The following SCD5 variants were observed in gnomAD, a reference collection of about 807,000 sequenced individuals.
SCD5 encodes the protein stearoyl-CoA desaturase 5.
SCD5 carries 20 observed loss-of-function variants against 30.4 expected under a neutral mutation model. That is an observed-to-expected ratio of 0.66 (90% CI 0.46 to 0.96). The LOEUF (loss-of-function observed/expected upper bound fraction) is 0.96, where lower values mean the gene tolerates loss of function less well. SCD5 is among the 40% of genes least tolerant of loss of function. The pLI is 0.00. For missense variants in SCD5, 381 were observed against 443.3 expected, an observed-to-expected ratio of 0.86 and a Z score of 1.26; for synonymous variants, 173 against 176.4, an observed-to-expected ratio of 0.98 and a Z score of 0.16.
At chr4:82,776,346 G>GA (rs1249329309) in intron 1 of SCD5, among the ~76,000 whole-genome samples, 1 of 152,068 alleles carries the variant, frequency 6.6e-6, no homozygotes, top group African/African-American at 2.4e-5. Context: ...GTTTGCATGT[G>GA]AAAAAAAGAT....
intron 4 of SCD5, among the ~76,000 whole-genome samples, chr4:82,631,979 A>C (rs1577996866): frequency 6.6e-6 from 1 of 152,084 alleles, no homozygotes; most frequent in Non-Finnish European, 1.5e-5. Flanking sequence ...ATATTATTCT[A>C]CCCCTTCCAG....
intron 3 of SCD5, among the ~76,000 whole-genome samples, chr4:82,656,617 G>T (rs1727873258): frequency 1.3e-5 from 2 of 152,178 alleles, no homozygotes; most frequent in African/African-American, 4.8e-5. Context: ...CATATACCCT[G>T]TAATGGGATT....
intron 4 of SCD5, 38 bp downstream of exon 4, chr4:82,636,553 C>T: frequency 6.5e-7 from 1 of 1,536,672 alleles, no homozygotes; most frequent in Non-Finnish European, 8.9e-7. Flanking sequence ...AAACCTGGGC[C>T]ACCATTCTCC....
chr4:82,719,187 C>T (rs1288024353), intron 1 of SCD5, among the ~76,000 whole-genome samples: 1 of 151,740 alleles, frequency 6.6e-6, no homozygotes, highest in African/African-American at 2.4e-5. Context: ...AATGTCAGGC[C>T]ACCTCTCTTT....
At chr4:82,786,400 G>C (rs560914071) in intron 1 of SCD5, among the ~76,000 whole-genome samples, 12 of 152,292 alleles carry the variant, frequency 7.9e-5, no homozygotes, top group African/African-American at 2.9e-4. Flanking sequence ...TGATAGAATA[G>C]GTAGTGATAT....
chr4:82,724,735 T>C (rs778555009), intron 1 of SCD5, among the ~76,000 whole-genome samples: 9 of 152,140 alleles, frequency 5.9e-5, no homozygotes, highest in African/African-American at 1.7e-4. Flanking sequence ...AGATGAGAAA[T>C]GTCAAGTGCT....
rs558423983 is a variant in SCD5, at chr4:82,709,363, G to GCCA, written c.233-3953_233-3951dup. On this transcript the variant is annotated intron_variant, in intron 1 of 4. Transcript: ENST00000319540. ...TTCATTGAGCTGCTATTATGTACCA[G>GCCA]CCACTGAGCTCAGAACTGGGAGTTT... is the stretch of plus-strand genomic sequence containing the variant. Among the ~76,000 whole-genome samples, 435 of 152,254 alleles carry GCCA rather than the reference G, an allele frequency of 2.9e-3. 3 individuals are homozygous for GCCA. Among genetic ancestry groups the GCCA allele is most frequent in the African/African-American group, 9.9e-3 (412 of 41,550 alleles).
At chr4:82,787,857 T>G (rs1008305504) in intron 1 of SCD5, among the ~76,000 whole-genome samples, 4 of 152,126 alleles carry the variant, frequency 2.6e-5, no homozygotes, top group African/African-American at 9.7e-5. Context: ...AAAAAGACCC[T>G]CATTCTCTAC....
chr4:82,641,621 C>T (rs191841165), intron 3 of SCD5, among the ~76,000 whole-genome samples: 235 of 152,186 alleles, frequency 1.5e-3, no homozygotes, highest in African/African-American at 5.2e-3. Flanking sequence ...CAGACTGGGG[C>T]TGCATGAGAC....
intron 1 of SCD5, among the ~76,000 whole-genome samples, chr4:82,744,686 T>C (rs1218780588): frequency 6.6e-6 from 1 of 152,162 alleles, no homozygotes; most frequent in East Asian, 1.9e-4. Context: ...AGTAAATTTT[T>C]ATAAATAAAA....
At chr4:82,746,911 T>C (rs946743347) in intron 1 of SCD5, among the ~76,000 whole-genome samples, 1 of 151,206 alleles carries the variant, frequency 6.6e-6, no homozygotes, top group Admixed American at 6.6e-5. Flanking sequence ...CCCAATCCTG[T>C]TGCCATATAA....
At chr4:82,763,392 T>C (rs1013931246) in intron 1 of SCD5, among the ~76,000 whole-genome samples, 27 of 152,080 alleles carry the variant, frequency 1.8e-4, no homozygotes, top group African/African-American at 6.3e-4. Flanking sequence ...ACACCTGTAG[T>C]CCCAGCTACT....
At chr4:82,713,778 T>C (rs977730397) in intron 1 of SCD5, among the ~76,000 whole-genome samples, 1 of 152,184 alleles carries the variant, frequency 6.6e-6, no homozygotes, top group Non-Finnish European at 1.5e-5. Flanking sequence ...CCAGCAACCA[T>C]ATTATATTTC....
At chr4:82,632,957 T>C (rs1352721361) in intron 4 of SCD5, among the ~76,000 whole-genome samples, 1 of 152,238 alleles carries the variant, frequency 6.6e-6, no homozygotes, top group African/African-American at 2.4e-5. Context: ...CTAAGTGACA[T>C]GTGCATTACC....
intron 1 of SCD5, among the ~76,000 whole-genome samples, chr4:82,743,460 G>C (rs1720920050): frequency 6.6e-6 from 1 of 152,166 alleles, no homozygotes; most frequent in Non-Finnish European, 1.5e-5. Context: ...AGGCTGCAGT[G>C]AACTGTGATT....
chr4:82,685,158 G>A (rs1029266884), intron 2 of SCD5, among the ~76,000 whole-genome samples: 3 of 152,156 alleles, frequency 2.0e-5, no homozygotes, highest in Non-Finnish European at 2.9e-5. Context: ...ACTGAAGGGA[G>A]CTACATTAGT....
intron 1 of SCD5, among the ~76,000 whole-genome samples, chr4:82,796,155 A>G (rs1441107771): frequency 6.6e-6 from 1 of 151,990 alleles, no homozygotes; most frequent in Non-Finnish European, 1.5e-5. Flanking sequence ...CTGTAATCCC[A>G]ACTACTTGGG....
intron 1 of SCD5, among the ~76,000 whole-genome samples, chr4:82,736,829 A>G (rs1720762198): frequency 2.0e-5 from 3 of 151,650 alleles, no homozygotes; most frequent in Admixed American, 2.0e-4. Context: ...TGCCCAGCTA[A>G]TTTTTTAAAA....
intron 3 of SCD5, among the ~76,000 whole-genome samples, chr4:82,649,892 T>A (rs962850047): frequency 1.3e-5 from 2 of 152,138 alleles, no homozygotes; most frequent in African/African-American, 4.8e-5. Context: ...ATACTGGAGA[T>A]TACTGTTCGT....
Sources: allele counts gnomAD v4.1 joint callset (sites outside exome capture counted in the v4.1 genomes callset), GRCh38; gene constraint gnomAD v4.1.1; transcripts MANE v1.5; gene names NCBI Gene and HGNC (gene_info 2026-07-23, HGNC 2026-07-21).